The following FBXO34 variants were observed in gnomAD, a reference collection of about 807,000 sequenced individuals.
FBXO34 encodes the protein F-box protein 34, also known as F-box only protein 34.
A neutral mutation model predicts 24.5 loss-of-function variants in FBXO34; 12 were observed. The observed-to-expected ratio is 0.49, with a 90% CI of 0.31 to 0.79. The LOEUF is 0.79. Among genes scored for constraint, FBXO34 ranks in the 30% least tolerant of loss-of-function variants. The probability of loss-of-function intolerance (pLI) is 0.04; values close to 1 mark genes in which losing one functional copy is unlikely to be tolerated. For missense variants in FBXO34, 823 were observed against 857.7 expected, an observed-to-expected ratio of 0.96 and a Z score of 0.51; for synonymous variants, 320 against 311.9, an observed-to-expected ratio of 1.03 and a Z score of -0.27.
At chr14:55,372,876 C>G (rs1184344125), downstream of FBXO34, among the ~76,000 whole-genome samples, 3 of 152,136 alleles carry the variant, frequency 2.0e-5, no homozygotes, top group Non-Finnish European at 4.4e-5. Context: ...GTGGAGAAAC[C>G]CACCTGGCAC....
the FBXO34 span, chr14:55,413,634 G>T: frequency 4.8e-6 from 2 of 415,224 alleles, no homozygotes; most frequent in Non-Finnish European, 4.8e-6. Flanking sequence ...TCTGGGTGGA[G>T]CAGGCTGGCG....
downstream of FBXO34, chr14:55,369,853 T>A (rs749660957): frequency 1.2e-5 from 19 of 1,614,156 alleles, no homozygotes; most frequent in Non-Finnish European, 1.5e-5. Context: ...TCTCATCTGA[T>A]TCTCCAGCAA....
chr14:55,327,787 G>A (rs1208090318), intron 1 of FBXO34, among the ~76,000 whole-genome samples: 1 of 151,746 alleles, frequency 6.6e-6, no homozygotes, highest in Non-Finnish European at 1.5e-5. Context: ...ACCTTGGGTA[G>A]TGCCAAACCC....
chr14:55,276,064 GTCTA>G (rs746358616), intron 1 of FBXO34, among the ~76,000 whole-genome samples: 3 of 152,194 alleles, frequency 2.0e-5, no homozygotes, highest in Admixed American at 6.5e-5. Flanking sequence ...GCCAGAACTA[GTCTA>G]TCTAGGCAAT....
At chr14:55,432,571 CAT>C in the FBXO34 span, among the ~76,000 whole-genome samples, 1,081 of 152,232 alleles carry the variant, frequency 7.1e-3, 12 homozygotes, top group Non-Finnish European at 0.011. Flanking sequence ...GAGCAAATGA[CAT>C]AGCAATTTCT....
intron 1 of FBXO34, among the ~76,000 whole-genome samples, chr14:55,294,271 A>C (rs1218488326): frequency 4.6e-5 from 7 of 151,890 alleles, no homozygotes; most frequent in Admixed American, 6.6e-5. Context: ...ACTGTATTCC[A>C]GGTGCCTAAT....
intron 1 of FBXO34, among the ~76,000 whole-genome samples, chr14:55,323,035 C>CAAAAAAAAAAA (rs1883198711): frequency 5.3e-5 from 3 of 56,902 alleles, no homozygotes; most frequent in Admixed American, 1.5e-4. Context: ...AAAAAAAAAG[C>CAAAAAAAAAAA]AAAAACGGGC....
At chr14:55,272,786 T>C (rs1881200941) in intron 1 of FBXO34, among the ~76,000 whole-genome samples, 1 of 152,194 alleles carries the variant, frequency 6.6e-6, no homozygotes, top group South Asian at 2.1e-4. Flanking sequence ...CAAGCTGTTT[T>C]CTTGCTTTCT....
rs530481828 is a variant in FBXO34 at position 55,305,340 on chromosome 14, G to A, written c.-11+33803G>A. Among the ~76,000 whole-genome samples, 18 of 151,838 alleles carry A rather than the reference G, an allele frequency of 1.2e-4. No individual in the cohort carries two copies. In the South Asian group the frequency reaches 2.5e-3, roughly 21 times the overall value. ...GGCAGGGGAATAATCACTTGAACCC[G>A]GGAGGTGGGGGTTGCAGTGAGCCAA... On this transcript the variant is annotated intron_variant, in intron 1 of 1. Coordinates refer to ENST00000313833, the MANE Select transcript of FBXO34 (RefSeq NM_017943.4).
the FBXO34 span, among the ~76,000 whole-genome samples, chr14:55,402,964 T>TATATAAATATAA: frequency 1.7e-5 from 1 of 59,754 alleles, no homozygotes; most frequent in Non-Finnish European, 3.2e-5. Context: ...TATATATATA[T>TATATAAATATAA]ATATAAATAG....
At chr14:55,418,220 G>A in the FBXO34 span, among the ~76,000 whole-genome samples, 1 of 152,222 alleles carries the variant, frequency 6.6e-6, no homozygotes, top group Non-Finnish European at 1.5e-5. Context: ...CAGATGGGGA[G>A]TATATTAGAT....
At chr14:55,411,968 C>G in the FBXO34 span, 3 of 733,808 alleles carry the variant, frequency 4.1e-6, no homozygotes, top group Non-Finnish European at 6.6e-6. Flanking sequence ...GTCCCGGGCA[C>G]TGTTGTTTTT....
chr14:55,347,576 A>C (rs1005636604), intron 1 of FBXO34, among the ~76,000 whole-genome samples: 6 of 152,182 alleles, frequency 3.9e-5, no homozygotes, highest in African/African-American at 1.2e-4. Flanking sequence ...GAATCACCCC[A>C]CTTTGCAGCA....
intron 1 of FBXO34, among the ~76,000 whole-genome samples, chr14:55,286,947 C>T (rs1397860231): frequency 7.6e-5 from 9 of 118,898 alleles, no homozygotes; most frequent in Admixed American, 3.2e-4. Flanking sequence ...CTCGCTTTTT[C>T]GCCCAGGCTG....
chr14:55,380,810 T>G, the FBXO34 span: 2 of 428,940 alleles, frequency 4.7e-6, no homozygotes, highest in Admixed American at 3.8e-5. Flanking sequence ...AGTGCTTCCT[T>G]AATAGATGCT....
chr14:55,328,720 C>T (rs576625738), intron 1 of FBXO34, among the ~76,000 whole-genome samples: 21 of 152,206 alleles, frequency 1.4e-4, no homozygotes, highest in African/African-American at 4.8e-4. Context: ...TGGAGAAACA[C>T]GTAGGTAATG....
downstream of FBXO34, chr14:55,369,512 C>T (rs536094229): frequency 1.8e-6 from 2 of 1,113,038 alleles, no homozygotes; most frequent in South Asian, 2.5e-5. Context: ...AACACTTTAA[C>T]CTCTTTGTTC....
At chr14:55,310,511 A>G (rs554821972) in intron 1 of FBXO34, among the ~76,000 whole-genome samples, 2 of 152,300 alleles carry the variant, frequency 1.3e-5, no homozygotes, top group African/African-American at 4.8e-5. Context: ...TTTTGGCCTC[A>G]TTAGGAAGAA....
At chr14:55,303,126 GC>G (rs1882420281) in intron 1 of FBXO34, among the ~76,000 whole-genome samples, 2 of 128,004 alleles carry the variant, frequency 1.6e-5, no homozygotes, top group African/African-American at 5.5e-5. Context: ...CTCTTTACAG[GC>G]CTTTTTTTTT....
Sources: gnomAD v4.1 joint callset for allele counts (sites outside exome capture counted in the v4.1 genomes callset) on GRCh38, gnomAD v4.1.1 for gene constraint, MANE v1.5 for transcripts, NCBI Gene and HGNC (gene_info 2026-07-23, HGNC 2026-07-21) for gene names.